ZC3H3: variants seen among roughly 807,000 people sequenced by gnomAD.
ZC3H3 encodes the protein zinc finger CCCH domain-containing protein 3.
Under a neutral mutation model 77.3 loss-of-function variants are expected in ZC3H3, and 36 were observed. The observed-to-expected ratio is 0.47, with a 90% confidence interval of 0.36 to 0.61. The LOEUF (loss-of-function observed/expected upper bound fraction) is 0.61. ZC3H3 is among the 20% of genes least tolerant of loss of function. The pLI, the probability that ZC3H3 is intolerant of heterozygous loss-of-function variation, is 0.00. For missense variants in ZC3H3, 1,331 were observed against 1,312.2 expected (o/e 1.01, Z -0.22); for synonymous variants, 626 against 555.2 (o/e 1.13, Z -1.79).
intron 9 of ZC3H3, among the ~76,000 whole-genome samples, chr8:143,445,445 G>A (rs573135266): frequency 6.6e-6 from 1 of 151,024 alleles, no homozygotes; most frequent in South Asian, 2.1e-4. Flanking sequence ...AGGAGGCCAG[G>A]GCGGGAGGGT....
At chr8:143,467,913 C>G (rs1269778384) in intron 8 of ZC3H3, among the ~76,000 whole-genome samples, 1 of 152,166 alleles carries the variant, frequency 6.6e-6, no homozygotes, top group East Asian at 1.9e-4. Flanking sequence ...TTCCCCTAGG[C>G]ATGTGTAAGG....
chr8:143,438,715 G>T (rs1389174017), intron 11 of ZC3H3, among the ~76,000 whole-genome samples: 2 of 152,164 alleles, frequency 1.3e-5, no homozygotes, highest in Non-Finnish European at 2.9e-5. Flanking sequence ...CTCCCCTCCA[G>T]ACCACCCGAC....
intron 3 of ZC3H3, among the ~76,000 whole-genome samples, chr8:143,513,805 C>T (rs182633273): frequency 1.3e-3 from 192 of 152,346 alleles, no homozygotes; most frequent in Admixed American, 4.5e-3. Flanking sequence ...AGGCCTAGTC[C>T]GAGGCACCTC....
chr8:143,518,498 T>G (rs2130456612), intron 3 of ZC3H3, among the ~76,000 whole-genome samples: 1 of 152,314 alleles, frequency 6.6e-6, no homozygotes, highest in African/African-American at 2.4e-5. Context: ...AAACGACGTG[T>G]CCCGCTCAGA....
intron 5 of ZC3H3, among the ~76,000 whole-genome samples, chr8:143,470,512 G>A (rs991193644): frequency 6.6e-6 from 1 of 152,198 alleles, no homozygotes; most frequent in Non-Finnish European, 1.5e-5. Flanking sequence ...GCACGGGCAC[G>A]CCCTCACACC....
chr8:143,524,010 C>G (rs1361231579), intron 3 of ZC3H3, among the ~76,000 whole-genome samples: 1 of 152,224 alleles, frequency 6.6e-6, no homozygotes, highest in African/African-American at 2.4e-5. Context: ...AGCTAGCCAG[C>G]GGGGGAGGGC....
intron 4 of ZC3H3, among the ~76,000 whole-genome samples, chr8:143,486,736 A>G (rs868441423): frequency 3.3e-3 from 337 of 101,948 alleles, no homozygotes; most frequent in Middle Eastern, 0.027. Flanking sequence ...CTCACACACA[A>G]AACAGCACCC....
chr8:143,458,464 G>A (rs1438828642), intron 9 of ZC3H3, among the ~76,000 whole-genome samples: 4 of 128,876 alleles, frequency 3.1e-5, no homozygotes, highest in Non-Finnish European at 5.2e-5. Flanking sequence ...AGTGGCTCAC[G>A]CCTGTAACCC....
intron 3 of ZC3H3, among the ~76,000 whole-genome samples, chr8:143,519,981 G>GC (rs1563876284): frequency 1.3e-5 from 2 of 151,956 alleles, no homozygotes; most frequent in African/African-American, 4.8e-5. Context: ...GCCTAGGGCC[G>GC]CCCCCCAGGC....
At position 143,519,088 on chromosome 8, in the gene ZC3H3, T is replaced by C. The variant is rs1262432977; in HGVS notation, c.1562-11189A>G. ...GGGTGCAGCGAGCACTACGCCGGCCTCCCCAGGAAGGTGACTCACCGGCCT... is the reference window on the plus strand; with the variant it reads ...GGGTGCAGCGAGCACTACGCCGGCCCCCCCAGGAAGGTGACTCACCGGCCT... On this transcript the variant is annotated intron_variant, in intron 3 of 11. Coordinates refer to ENST00000262577, the MANE Select transcript of ZC3H3 (RefSeq NM_015117.3). Among the ~76,000 whole-genome samples, 4 of 152,012 alleles carry C rather than the reference T, an allele frequency of 2.6e-5. No homozygotes were observed. The East Asian group carries it at 7.7e-4, about 29-fold the overall frequency.
At chr8:143,522,216 A>T (rs1302785534) in intron 3 of ZC3H3, among the ~76,000 whole-genome samples, 1 of 152,196 alleles carries the variant, frequency 6.6e-6, no homozygotes, top group African/African-American at 2.4e-5. Flanking sequence ...ACAGGCCTTT[A>T]CATGGGCCAC....
In ZC3H3 at chr8:143,539,281, G is replaced by T. The variant is rs774760836; in HGVS notation, c.86C>A (p.Pro29Gln). ...DDYKTLHGNA[P>Q]APGTPAASGW... is the part of the protein sequence containing the mutation. ...AGAAGCTGCTGGGGTACCAGGGGCC[G>T]GGGCATTGCCGTGGAGGGTTTTGTA... The change falls in exon 2 of 12, where the codon CCG becomes CAG. Residue 29 changes from proline to glutamine, a missense_variant. By Grantham distance (76) the Pro-to-Gln change is moderately conservative (BLOSUM62 -1). Transcript: ENST00000262577. 1.2e-6 allele frequency: 2 copies of T among 1,612,210 alleles called. No individual in the cohort carries two copies. Among genetic ancestry groups the T allele is most frequent in the South Asian group, 2.2e-5 (2 of 91,062 alleles).
rs192385339 is a variant in ZC3H3 at position 143,468,614 on chromosome 8, T to C, written c.1946+3A>G. On this transcript the variant is annotated splice_donor_region_variant and intron_variant, in intron 6 of 11. Transcript: ENST00000262577. ...CACCCACTGCCCAGCCCAAAGGCAT[T>C]ACCTGGCCAGGGAACGGCTACAGCT... 58 of 1,564,164 alleles carry C rather than the reference T, an allele frequency of 3.7e-5. No individual in the cohort carries two copies. In the East Asian group the frequency reaches 8.1e-4, roughly 22 times the overall value.
At chr8:143,531,856 G>T (rs1216319086) in intron 3 of ZC3H3, among the ~76,000 whole-genome samples, 1 of 152,094 alleles carries the variant, frequency 6.6e-6, no homozygotes, top group Non-Finnish European at 1.5e-5. Context: ...GACCTCTTTC[G>T]CACGGGTAAA....
chr8:143,482,582 A>G (rs1363559273), intron 4 of ZC3H3, among the ~76,000 whole-genome samples: 1 of 152,142 alleles, frequency 6.6e-6, no homozygotes, highest in African/African-American at 2.4e-5. Context: ...AGCAGATACA[A>G]GGAGTGGGCT....
At chr8:143,471,808 G>T (rs1375107211) in intron 5 of ZC3H3, among the ~76,000 whole-genome samples, 1 of 152,228 alleles carries the variant, frequency 6.6e-6, no homozygotes, top group African/African-American at 2.4e-5. Context: ...TCAAATTTCT[G>T]CTGACACCAG....
rs769875098 is a variant in ZC3H3, at chr8:143,468,630, G to A, written c.1933C>T (p.Arg645Cys). 18 of 1,555,346 alleles carry A rather than the reference G, an allele frequency of 1.2e-5. No homozygotes were observed. The highest frequency in any genetic ancestry group is 1.7e-4 in the Middle Eastern group (1 of 5,796). Residue 645 changes from arginine to cysteine, a missense_variant, in exon 6 of 12, where the codon CGT becomes TGT. Transcript: ENST00000262577. ...GRLDPAGSCS[R>C]SLASRAVQRS... ...CAAAGGCATTACCTGGCCAGGGAAC[G>A]GCTACAGCTGCCTGCAGGATCCAGC... is the stretch of plus-strand genomic sequence containing the variant.
intron 3 of ZC3H3, among the ~76,000 whole-genome samples, chr8:143,514,644 G>A (rs1053068155): frequency 6.6e-6 from 1 of 152,106 alleles, no homozygotes; most frequent in Non-Finnish European, 1.5e-5. Context: ...CTGCTCTCGC[G>A]CCCCCTCAGG....
chr8:143,445,482 C>T (rs1171916375), intron 9 of ZC3H3, among the ~76,000 whole-genome samples: 2 of 151,220 alleles, frequency 1.3e-5, no homozygotes, highest in Admixed American at 1.3e-4. Context: ...ACCAGGAGTT[C>T]GAAATCAGCC....
Sources: allele counts gnomAD v4.1 joint callset (sites outside exome capture counted in the v4.1 genomes callset), GRCh38; gene constraint gnomAD v4.1.1; transcripts MANE v1.5; gene names NCBI Gene and HGNC (gene_info 2026-07-23, HGNC 2026-07-21).